The following SBNO2 variants were observed in gnomAD, a reference collection of about 807,000 sequenced individuals.
SBNO2 encodes protein strawberry notch homolog 2.
SBNO2 carries 89 observed loss-of-function variants against 146.3 expected under a neutral mutation model. The ratio of observed to expected loss-of-function variants is 0.61; its 90% CI spans 0.51 to 0.73. SBNO2 has a LOEUF of 0.73. Among genes scored for constraint, SBNO2 ranks in the 30% least tolerant of loss-of-function variants. The pLI is 0.00. For synonymous variants in SBNO2, 1,147 were observed against 892.6 expected (o/e 1.29, Z -5.08); for missense variants, 2,092 against 2,003.7 (o/e 1.04, Z -0.84).
Position 1,116,813 on chromosome 19 carries a change from C to T in SBNO2, c.1802+16G>A, listed in dbSNP as rs2079837252. ...GCGCAGGAAGCCCACAGTCCTGTCC[C>T]CACCGTGACACTTACTCAGCGGCCG... On this transcript the variant is annotated intron_variant, in intron 16 of 31. Coordinates refer to ENST00000361757, the MANE Select transcript of SBNO2 (RefSeq NM_014963.3). 1 of 1,569,900 alleles carries T rather than the reference C, an allele frequency of 6.4e-7. No homozygotes were observed. The highest frequency in any genetic ancestry group is 8.6e-7 in the Non-Finnish European group (1 of 1,158,518).
intron 11 of SBNO2, among the ~76,000 whole-genome samples, chr19:1,121,818 C>G (rs1451939046): frequency 6.6e-6 from 1 of 152,314 alleles, no homozygotes; most frequent in East Asian, 1.9e-4. Context: ...CTTATCAGAA[C>G]CAAGAAACCA....
intron 1 of SBNO2, among the ~76,000 whole-genome samples, chr19:1,164,158 C>T (rs1311531489): frequency 1.3e-5 from 2 of 152,026 alleles, no homozygotes; most frequent in Non-Finnish European, 2.9e-5. Context: ...AGGGAAGCCC[C>T]TGCCCATGGC....
intron 2 of SBNO2, 109 bp downstream of exon 2, chr19:1,154,075 C>T (rs576816147): frequency 3.1e-5 from 15 of 487,352 alleles, no homozygotes; most frequent in Admixed American, 4.4e-5. Context: ...GTGGAGATCA[C>T]GCCGCGTCCA....
At chr19:1,147,258 C>T in intron 4 of SBNO2, 51 bp downstream of exon 4, 2 of 1,274,140 alleles carry the variant, frequency 1.6e-6, no homozygotes, top group Non-Finnish European at 2.2e-6. Context: ...GGAGGGGCGG[C>T]CCAGACTCCA....
rs991237752 is a variant in SBNO2 at position 1,113,092 on chromosome 19, G to A, written c.2248-143C>T. The A allele has an allele frequency of 3.1e-6, 3 of 979,594 alleles. No homozygotes were observed. The Admixed American group carries it at 8.3e-5, about 27-fold the overall frequency. 60.7% of individuals were successfully genotyped at this position (979,594 alleles called of 1,614,324 possible). A position where few individuals can be genotyped will look rare whatever the true frequency, so the allele number is the denominator to read the frequency against. ...GGAGGTGGGGGTGCTGGGAAAGGGA[G>A]GGCGGGACTGCTGGACCCAGGCGAT... On this transcript the variant is annotated intron_variant, in intron 19 of 31. Transcript: ENST00000361757.
chr19:1,174,209 G>T lies in SBNO2; in HGVS notation c.-164C>A, dbSNP rs938461040. ...TCCGGCCGGGCGCGGAGCCCGCGGC[G>T]CCTGTTTCTCCGAGCCTCGCAGCTG... On this transcript the variant is annotated 5_prime_UTR_variant, in exon 1 of 32. Coordinates refer to ENST00000361757, the MANE Select transcript of SBNO2 (RefSeq NM_014963.3). 9.1e-4 allele frequency: 139 copies of T among 151,980 alleles called. No homozygotes were observed. The highest frequency in any genetic ancestry group is 3.3e-3 in the African/African-American group (137 of 41,492). 9.4% of individuals were successfully genotyped at this position (151,980 alleles called of 1,614,324 possible). A position where few individuals can be genotyped will look rare whatever the true frequency, so the allele number is the denominator to read the frequency against.
chr19:1,165,989 T>C (rs1466556525), intron 1 of SBNO2, among the ~76,000 whole-genome samples: 1 of 38,234 alleles, frequency 2.6e-5, no homozygotes, highest in Admixed American at 4.0e-4. Context: ...GACCGCAAGA[T>C]CCCAGACCCC....
At chr19:1,148,447 C>T (rs1355156153) in intron 3 of SBNO2, among the ~76,000 whole-genome samples, 1 of 151,644 alleles carries the variant, frequency 6.6e-6, no homozygotes, top group Admixed American at 6.6e-5. Flanking sequence ...CCAGCTGCTG[C>T]CCTCTGTGGG....
chr19:1,152,813 G>A (rs763282144), intron 2 of SBNO2, among the ~76,000 whole-genome samples: 10 of 152,188 alleles, frequency 6.6e-5, no homozygotes, highest in Non-Finnish European at 1.2e-4. Context: ...CCTGGAGCAG[G>A]TCCTGCTGCT....
intron 1 of SBNO2, among the ~76,000 whole-genome samples, chr19:1,166,964 C>T (rs2080431968): frequency 6.6e-6 from 1 of 152,178 alleles, no homozygotes; most frequent in Non-Finnish European, 1.5e-5. Context: ...ACAAGTGGCT[C>T]GACCGGTCAC....
intron 4 of SBNO2, among the ~76,000 whole-genome samples, chr19:1,134,516 T>TCA (rs2080068240): frequency 6.9e-6 from 1 of 144,326 alleles, no homozygotes; most frequent in South Asian, 2.1e-4. Context: ...CTTGAGGACC[T>TCA]CACACTCAGT....
intron 1 of SBNO2, among the ~76,000 whole-genome samples, chr19:1,164,577 G>GACA (rs1402331578): frequency 7.2e-5 from 9 of 125,372 alleles, no homozygotes; most frequent in East Asian, 2.7e-4. Flanking sequence ...ACTGTGGGGT[G>GACA]TCCCAGATGC....
chr19:1,150,225 A>G lies in SBNO2; in HGVS notation c.94-783T>C, dbSNP rs892201946. 1.3e-5 allele frequency among the ~76,000 whole-genome samples: 2 copies of G among 152,060 alleles called. No individual in the cohort carries two copies. The highest frequency in any genetic ancestry group is 4.8e-5 in the African/African-American group (2 of 41,384). On this transcript the variant is annotated intron_variant, in intron 2 of 31. Transcript: ENST00000361757. This position sits in a 1 kb window ranked among gnomAD's most constrained non-coding sequence, Gnocchi z 6.2. ...CACTATGCCTGCCCTTGGGAATGAG[A>G]GCGGCTTGAGGCACACGGCAGGCCC...
chr19:1,132,310 A>G, intron 4 of SBNO2: 1 of 1,301,472 alleles, frequency 7.7e-7, no homozygotes, highest in Non-Finnish European at 9.8e-7. Flanking sequence ...ACTTCCTCTA[A>G]GGCCGGGGCT....
Position 1,109,253 on chromosome 19 carries a change from C to T in SBNO2, c.3348+39G>A, listed in dbSNP as rs1160794934. ...GCATGAGCCTGGGCGGGGTCAGGGC[C>T]GGCAACCCGAGCGAAAGCTGCGCCC... On this transcript the variant is annotated intron_variant, in intron 29 of 31. Coordinates refer to ENST00000361757, the MANE Select transcript of SBNO2 (RefSeq NM_014963.3). This position sits in a 1 kb window ranked among gnomAD's most constrained non-coding sequence, Gnocchi z 4.2. The T allele has an allele frequency of 1.3e-6, 2 of 1,576,438 alleles. No individual in the cohort carries two copies. The highest frequency in any genetic ancestry group is 1.7e-6 in the Non-Finnish European group (2 of 1,161,852).
At chr19:1,130,060 G>C (rs964534238) in intron 4 of SBNO2, among the ~76,000 whole-genome samples, 1 of 152,160 alleles carries the variant, frequency 6.6e-6, no homozygotes, top group Non-Finnish European at 1.5e-5. Flanking sequence ...ACCGCCCAAC[G>C]CATCTGAAAC....
chr19:1,161,912 G>GC (rs1568638020), intron 1 of SBNO2, among the ~76,000 whole-genome samples: 1 of 101,164 alleles, frequency 9.9e-6, no homozygotes, highest in Non-Finnish European at 2.1e-5. Flanking sequence ...GCCGCGGGGG[G>GC]GGGGGGGGGG....
rs991049375 is a variant in SBNO2, at chr19:1,109,982, C to T, written c.3029-205G>A. Reference sequence around the variant, plus strand: ...GCAACCGCTCAGGTCCTAGGTAACCCCGAGCAGGCTGTGGGGGATCGTGGG... The same window carrying T: ...GCAACCGCTCAGGTCCTAGGTAACCTCGAGCAGGCTGTGGGGGATCGTGGG... On this transcript the variant is annotated intron_variant, in intron 26 of 31. Coordinates refer to ENST00000361757, the MANE Select transcript of SBNO2 (RefSeq NM_014963.3). The surrounding 1 kb of genome is among the most constrained non-coding windows in gnomAD (Gnocchi z 4.2). Among the ~76,000 whole-genome samples, 2 of 151,570 alleles carry T rather than the reference C, an allele frequency of 1.3e-5. No homozygotes were observed. Among genetic ancestry groups the T allele is most frequent in the Non-Finnish European group, 2.9e-5 (2 of 67,882 alleles).
chr19:1,132,073 C>G, intron 4 of SBNO2: 1 of 1,518,478 alleles, frequency 6.6e-7, no homozygotes, highest in Admixed American at 2.1e-5. Context: ...TCGCCCGCCC[C>G]GGGAAGGGAG....
Sources: gnomAD v4.1 joint callset for allele counts (sites outside exome capture counted in the v4.1 genomes callset) on GRCh38, gnomAD v4.1.1 for gene constraint, Gnocchi (gnomAD v3.1) non-coding constraint, MANE v1.5 for transcripts, NCBI Gene and HGNC (gene_info 2026-07-23, HGNC 2026-07-21) for gene names.